The following PITPNC1 variants were observed in gnomAD, a reference collection of about 807,000 sequenced individuals.
PITPNC1 encodes phosphatidylinositol transfer protein cytoplasmic 1.
PITPNC1 carries 18 observed loss-of-function variants against 44.7 expected under a neutral mutation model. The ratio of observed to expected loss-of-function variants is 0.40; its 90% CI spans 0.28 to 0.60. The LOEUF (loss-of-function observed/expected upper bound fraction) is 0.60. Ranked by LOEUF, PITPNC1 falls within the 20% of genes least tolerant of loss-of-function variation. The pLI is 0.39. For synonymous variants in PITPNC1, 141 were observed against 149.6 expected, an observed-to-expected ratio of 0.94 and a Z score of 0.42; for missense variants, 290 against 418.4, an observed-to-expected ratio of 0.69 and a Z score of 2.68.
At chr17:67,682,960 G>A (rs996010003) in intron 8 of PITPNC1, among the ~76,000 whole-genome samples, 1 of 151,988 alleles carries the variant, frequency 6.6e-6, no homozygotes, top group Non-Finnish European at 1.5e-5. Context: ...AGGAGTTCGC[G>A]ACCAGCCTGG....
intron 4 of PITPNC1, among the ~76,000 whole-genome samples, chr17:67,574,769 G>C (rs114931389): frequency 0.014 from 2,155 of 152,050 alleles, 58 homozygotes; most frequent in African/African-American, 0.049. Context: ...CTCTGAGAAC[G>C]AGTCATCAGA....
intron 1 of PITPNC1, among the ~76,000 whole-genome samples, chr17:67,531,710 G>A (rs1032643266): frequency 6.6e-6 from 1 of 152,124 alleles, no homozygotes; most frequent in Non-Finnish European, 1.5e-5. Context: ...AGATTGTTGG[G>A]GAATAACCCC....
At chr17:67,566,716 C>T (rs904738562) in intron 4 of PITPNC1, among the ~76,000 whole-genome samples, 3 of 152,190 alleles carry the variant, frequency 2.0e-5, no homozygotes, top group East Asian at 3.8e-4. Context: ...AAGCAAGGCA[C>T]GTCTATCATA....
rs906750381 is a variant in PITPNC1, at chr17:67,539,610, G to A, written c.197+6660G>A. Among the ~76,000 whole-genome samples, 8 of 152,142 alleles carry A rather than the reference G, an allele frequency of 5.3e-5. No individual in the cohort carries two copies. In the South Asian group the frequency reaches 6.2e-4, roughly 12 times the overall value. Reference sequence around the variant, plus strand: ...TCCCAGCACTTTGGGAGGCCGAGGCGGGTGGATCACGAGGTCAGGAGATCG... The same window carrying A: ...TCCCAGCACTTTGGGAGGCCGAGGCAGGTGGATCACGAGGTCAGGAGATCG... On this transcript the variant is annotated intron_variant, in intron 2 of 8. Transcript: ENST00000581322.
intron 1 of PITPNC1, among the ~76,000 whole-genome samples, chr17:67,493,521 C>A (rs536477617): frequency 2.4e-4 from 36 of 152,272 alleles, no homozygotes; most frequent in African/African-American, 8.7e-4. Context: ...TCTAAATATT[C>A]TGCTTTGATA....
At chr17:67,679,137 C>T (rs1344292893) in intron 8 of PITPNC1, among the ~76,000 whole-genome samples, 1 of 152,216 alleles carries the variant, frequency 6.6e-6, no homozygotes, top group African/African-American at 2.4e-5. Flanking sequence ...CAGACTGGGA[C>T]ATTGGGTTGT....
At chr17:67,649,291 G>A (rs2042183869) in intron 6 of PITPNC1, among the ~76,000 whole-genome samples, 1 of 152,224 alleles carries the variant, frequency 6.6e-6, no homozygotes, top group Admixed American at 6.5e-5. Flanking sequence ...TGCACCTGCT[G>A]CCCATCTGGA....
intron 5 of PITPNC1, among the ~76,000 whole-genome samples, chr17:67,601,785 G>A (rs531310793): frequency 9.2e-5 from 14 of 151,946 alleles, no homozygotes; most frequent in African/African-American, 3.1e-4. Context: ...GAAAATAAGA[G>A]GAAGAGCCTG....
At chr17:67,496,208 T>C (rs2039950300) in intron 1 of PITPNC1, among the ~76,000 whole-genome samples, 1 of 152,168 alleles carries the variant, frequency 6.6e-6, no homozygotes, top group African/African-American at 2.4e-5. Context: ...GTTTTTAAAA[T>C]ATCATCCCTC....
chr17:67,544,043 G>A (rs2040644306), intron 2 of PITPNC1, among the ~76,000 whole-genome samples: 1 of 152,198 alleles, frequency 6.6e-6, no homozygotes, highest in African/African-American at 2.4e-5. Flanking sequence ...TAGAGACGGG[G>A]TTTTGCCATG....
At chr17:67,421,680 C>G (rs1218437545) in intron 1 of PITPNC1, among the ~76,000 whole-genome samples, 3 of 152,174 alleles carry the variant, frequency 2.0e-5, no homozygotes, top group Non-Finnish European at 2.9e-5. Flanking sequence ...TACCCTCACC[C>G]CAGTTATGGC....
chr17:67,489,973 G>A (rs896932917), intron 1 of PITPNC1, among the ~76,000 whole-genome samples: 4 of 152,084 alleles, frequency 2.6e-5, no homozygotes, highest in Non-Finnish European at 4.4e-5. Context: ...CGAACCTCAA[G>A]TGATCCATCC....
At chr17:67,394,325 G>A (rs1207819929) in intron 1 of PITPNC1, among the ~76,000 whole-genome samples, 1 of 152,046 alleles carries the variant, frequency 6.6e-6, no homozygotes, top group East Asian at 1.9e-4. Flanking sequence ...CACCAAGCCT[G>A]GCCTTCTTTA....
intron 1 of PITPNC1, among the ~76,000 whole-genome samples, chr17:67,439,986 G>T (rs1020147708): frequency 2.0e-5 from 3 of 152,172 alleles, no homozygotes; most frequent in African/African-American, 7.2e-5. Flanking sequence ...GATGTAAAAT[G>T]TATGAGGTAG....
intron 1 of PITPNC1, among the ~76,000 whole-genome samples, chr17:67,486,916 C>A (rs922647872): frequency 5.9e-5 from 9 of 151,766 alleles, no homozygotes; most frequent in Admixed American, 1.3e-4. Context: ...GTCTGTAATC[C>A]CAGCTACTTG....
intron 8 of PITPNC1, among the ~76,000 whole-genome samples, chr17:67,690,448 C>CAAA (rs58085156): frequency 0.53 from 59,798 of 112,420 alleles, 14,339 homozygotes; most frequent in Admixed American, 0.62. Context: ...AACTCTGTCT[C>CAAA]AAAAAAAAAA....
At chr17:67,451,782 G>A (rs1464485585) in intron 1 of PITPNC1, among the ~76,000 whole-genome samples, 1 of 151,990 alleles carries the variant, frequency 6.6e-6, no homozygotes, top group Non-Finnish European at 1.5e-5. Context: ...GGCACTACAG[G>A]TGCCCACATC....
At chr17:67,646,794 T>C (rs1185052600) in intron 6 of PITPNC1, among the ~76,000 whole-genome samples, 1 of 152,014 alleles carries the variant, frequency 6.6e-6, no homozygotes, top group Non-Finnish European at 1.5e-5. Context: ...CCTCCCAAAG[T>C]GCTGGGATTA....
In PITPNC1 at chr17:67,378,026, G is replaced by A. The variant is rs934982175; in HGVS notation, c.-129G>A. 2.1e-6 allele frequency: 1 copy of A among 483,104 alleles called. No homozygotes were observed. Among genetic ancestry groups the A allele is most frequent in the Non-Finnish European group, 3.5e-6 (1 of 284,666 alleles). 29.9% of individuals were successfully genotyped at this position (483,104 alleles called of 1,614,324 possible). A position where few individuals can be genotyped will look rare whatever the true frequency, so the allele number is the denominator to read the frequency against. On this transcript the variant is annotated 5_prime_UTR_variant, in exon 1 of 9. Coordinates refer to ENST00000581322, the MANE Select transcript of PITPNC1 (RefSeq NM_012417.4). ...GGAAGCCAGGAGCTGAGCGCGCCGC[G>A]GGGGCTGCTTCGCCCTCCGGCTCCG...
Sources: gnomAD v4.1 joint callset for allele counts (sites outside exome capture counted in the v4.1 genomes callset) on GRCh38, gnomAD v4.1.1 for gene constraint, MANE v1.5 for transcripts, NCBI Gene and HGNC (gene_info 2026-07-23, HGNC 2026-07-21) for gene names.